Variants in SLC39A11 observed in about 807,000 individuals in gnomAD.
SLC39A11 encodes the protein zinc transporter ZIP11.
Under a neutral mutation model 36.1 loss-of-function variants are expected in SLC39A11, and 33 were observed. That is an observed-to-expected ratio of 0.91 (90% CI 0.69 to 1.22). SLC39A11 has a LOEUF of 1.22. SLC39A11 is among the 50% of genes most tolerant of loss of function. SLC39A11 has a pLI of 0.00. For synonymous variants in SLC39A11, 166 were observed against 170.3 expected, an observed-to-expected ratio of 0.97 and a Z score of 0.20; for missense variants, 432 against 430.3, an observed-to-expected ratio of 1.00 and a Z score of -0.03.
chr17:72,729,070 T>TGGGAGAGCA (rs1221951880), intron 7 of SLC39A11, among the ~76,000 whole-genome samples: 7 of 152,054 alleles, frequency 4.6e-5, no homozygotes, highest in African/African-American at 1.7e-4. Context: ...TTCTTCACAC[T>TGGGAGAGCA]GGTTTATCTC....
At chr17:72,951,699 C>T (rs1198410934) in intron 4 of SLC39A11, among the ~76,000 whole-genome samples, 1 of 152,092 alleles carries the variant, frequency 6.6e-6, no homozygotes, top group Non-Finnish European at 1.5e-5. Flanking sequence ...AGAACCTAGC[C>T]CATATAATAC....
intron 5 of SLC39A11, among the ~76,000 whole-genome samples, chr17:72,853,433 G>A (rs7219476): frequency 0.39 from 59,730 of 151,740 alleles, 12,064 homozygotes; most frequent in East Asian, 0.68. Flanking sequence ...CGACAGTTGC[G>A]CTTGTTTTTG....
chr17:72,889,937 A>G (rs2081637805), intron 5 of SLC39A11, among the ~76,000 whole-genome samples: 1 of 152,118 alleles, frequency 6.6e-6, no homozygotes, highest in Non-Finnish European at 1.5e-5. Context: ...AAGAAAATGC[A>G]TAGAGTTAGG....
intron 5 of SLC39A11, among the ~76,000 whole-genome samples, chr17:72,937,836 G>A (rs1040264721): frequency 6.6e-6 from 1 of 152,198 alleles, no homozygotes; most frequent in Non-Finnish European, 1.5e-5. Context: ...GGGGAATAGA[G>A]CAGAGACTTC....
At chr17:72,667,225 T>C (rs2070794341) in intron 7 of SLC39A11, among the ~76,000 whole-genome samples, 1 of 152,156 alleles carries the variant, frequency 6.6e-6, no homozygotes, top group South Asian at 2.1e-4. Context: ...AGTCTAGCCC[T>C]GGACCCTCAC....
intron 5 of SLC39A11, among the ~76,000 whole-genome samples, chr17:72,928,453 C>T (rs959433064): frequency 7.9e-5 from 12 of 152,140 alleles, no homozygotes; most frequent in African/African-American, 1.2e-4. Context: ...TTAGTCCAAG[C>T]TCTGAAAAGA....
chr17:72,648,718 G>T, intron 9 of SLC39A11, 85 bp downstream of exon 9: 1 of 1,528,094 alleles, frequency 6.5e-7, no homozygotes, highest in Non-Finnish European at 8.9e-7. Context: ...GGAAAGGAAA[G>T]GCAAATGAAG....
chr17:73,063,996 C>A (rs946591131), intron 3 of SLC39A11, among the ~76,000 whole-genome samples: 9 of 152,106 alleles, frequency 5.9e-5, no homozygotes, highest in African/African-American at 2.2e-4. Flanking sequence ...AGAACTAACT[C>A]ATTTAGCTCC....
At chr17:72,914,786 TG>T (rs771179020) in intron 5 of SLC39A11, among the ~76,000 whole-genome samples, 1 of 151,706 alleles carries the variant, frequency 6.6e-6, no homozygotes, top group Non-Finnish European at 1.5e-5. Flanking sequence ...GAGAATCACT[TG>T]AACTCGGGAG....
At chr17:73,046,714 G>C (rs921460605) in intron 3 of SLC39A11, among the ~76,000 whole-genome samples, 3 of 152,028 alleles carry the variant, frequency 2.0e-5, no homozygotes, top group African/African-American at 7.2e-5. Flanking sequence ...GGTCGAAGTG[G>C]GCAGATCCCT....
At chr17:73,005,052 G>C (rs761910752) in intron 4 of SLC39A11, among the ~76,000 whole-genome samples, 7 of 152,224 alleles carry the variant, frequency 4.6e-5, no homozygotes, top group Non-Finnish European at 7.3e-5. Flanking sequence ...CTGGAATGCA[G>C]TGGTGTGAAC....
At chr17:72,946,783 T>A (rs2085455556) in intron 5 of SLC39A11, among the ~76,000 whole-genome samples, 1 of 152,132 alleles carries the variant, frequency 6.6e-6, no homozygotes, top group South Asian at 2.1e-4. Context: ...CAAGTGTCCT[T>A]AGTAAACAAT....
intron 6 of SLC39A11, among the ~76,000 whole-genome samples, chr17:72,760,349 T>C (rs918635236): frequency 3.3e-5 from 5 of 152,232 alleles, no homozygotes; most frequent in African/African-American, 1.2e-4. Flanking sequence ...TATTTTAGCA[T>C]AGGCTATTTA....
At chr17:72,969,269 G>A (rs953744639) in intron 4 of SLC39A11, among the ~76,000 whole-genome samples, 2 of 152,092 alleles carry the variant, frequency 1.3e-5, no homozygotes, top group African/African-American at 4.8e-5. Context: ...GACACCGAGC[G>A]CCCACCAGAG....
intron 6 of SLC39A11, among the ~76,000 whole-genome samples, chr17:72,781,101 C>T (rs60195070): frequency 0.037 from 5,661 of 152,326 alleles, 331 homozygotes; most frequent in African/African-American, 0.13. Flanking sequence ...GGTCTCTCTC[C>T]TCTTTCCTGG....
intron 7 of SLC39A11, among the ~76,000 whole-genome samples, chr17:72,732,516 T>G (rs1367366320): frequency 6.6e-6 from 1 of 152,204 alleles, no homozygotes; most frequent in Non-Finnish European, 1.5e-5. Context: ...TCTTGGCAGT[T>G]TTGAGGAGGG....
chr17:73,017,385 A>G (rs1327217885), intron 4 of SLC39A11, among the ~76,000 whole-genome samples: 2 of 152,146 alleles, frequency 1.3e-5, no homozygotes, highest in Non-Finnish European at 2.9e-5. Context: ...ACTGCAGCAT[A>G]AAGAAATGCA....
intron 4 of SLC39A11, among the ~76,000 whole-genome samples, chr17:72,955,974 T>G (rs776909614): frequency 2.6e-5 from 4 of 152,090 alleles, no homozygotes; most frequent in Non-Finnish European, 5.9e-5. Flanking sequence ...TGCGACCACA[T>G]GAGGACGGGT....
At chr17:72,721,087 C>CTTTTTTTTTTTTTTTTT (rs56090007) in intron 7 of SLC39A11, among the ~76,000 whole-genome samples, 1 of 126,552 alleles carries the variant, frequency 7.9e-6, no homozygotes, top group Non-Finnish European at 1.6e-5. Flanking sequence ...TGTCCCTCGC[C>CTTTTTTTTTTTTTTTTT]TTTTTTTTTT....
Sources: allele counts gnomAD v4.1 joint callset (sites outside exome capture counted in the v4.1 genomes callset), GRCh38; gene constraint gnomAD v4.1.1; transcripts MANE v1.5; gene names NCBI Gene and HGNC (gene_info 2026-07-23, HGNC 2026-07-21).